The following ZNF503 variants were observed in gnomAD, a reference collection of about 807,000 sequenced individuals.
The protein encoded by ZNF503 is zinc finger protein 503, also known as NocA-like zinc finger 2.
ZNF503 carries 15 observed loss-of-function variants against 34.4 expected under a neutral mutation model. The ratio of observed to expected loss-of-function variants is 0.44; its 90% confidence interval spans 0.29 to 0.67. The LOEUF is 0.67. Ranked by LOEUF, ZNF503 falls within the 30% of genes least tolerant of loss-of-function variation. ZNF503 has a pLI of 0.13. For synonymous variants in ZNF503, 580 were observed against 456.8 expected (o/e 1.27, Z -3.44); for missense variants, 1,007 against 926.8 (o/e 1.09, Z -1.12).
At chr10:75,316,399 C>G in the ZNF503 span, among the ~76,000 whole-genome samples, 1 of 151,768 alleles carries the variant, frequency 6.6e-6, no homozygotes, top group African/African-American at 2.4e-5. Context: ...CTCTGTCACC[C>G]AGGCTGGAGT....
the ZNF503 span, among the ~76,000 whole-genome samples, chr10:75,326,857 A>AT: frequency 6.6e-6 from 1 of 151,406 alleles, no homozygotes; most frequent in Non-Finnish European, 1.5e-5. Flanking sequence ...ATTTATTTTT[A>AT]TTTTTTTAGT....
the ZNF503 span, among the ~76,000 whole-genome samples, chr10:75,307,189 C>T: frequency 2.6e-5 from 4 of 152,148 alleles, no homozygotes; most frequent in African/African-American, 4.8e-5. Context: ...TAGTTAGCCA[C>T]GCTGTAAATA....
At chr10:75,389,458 AG>A in the ZNF503 span, among the ~76,000 whole-genome samples, 1 of 152,172 alleles carries the variant, frequency 6.6e-6, no homozygotes. Context: ...GGCCAGGCGC[AG>A]TGGCTCATGT....
At chr10:75,389,880 G>A in the ZNF503 span, among the ~76,000 whole-genome samples, 2 of 152,166 alleles carry the variant, frequency 1.3e-5, no homozygotes, top group African/African-American at 4.8e-5. Flanking sequence ...TTGGGTTGGA[G>A]GCTGTATTCA....
the ZNF503 span, chr10:75,358,301 C>T: frequency 6.6e-6 from 1 of 152,262 alleles, no homozygotes; most frequent in East Asian, 1.9e-4. Flanking sequence ...CCGGCCTCCT[C>T]CTCACTCACC....
chr10:75,313,093 A>T, the ZNF503 span, among the ~76,000 whole-genome samples: 1 of 152,150 alleles, frequency 6.6e-6, no homozygotes, highest in Non-Finnish European at 1.5e-5. Context: ...TCTTTCCTTT[A>T]TAAATTACCC....
At chr10:75,397,818 AAAGAT>A (rs1843719464), downstream of ZNF503, 1 of 152,702 alleles carries the variant, frequency 6.5e-6, no homozygotes, top group South Asian at 2.1e-4. Context: ...CCAAAATAAA[AAAGAT>A]AAGAAGAAGA....
the ZNF503 span, among the ~76,000 whole-genome samples, chr10:75,376,794 A>G: frequency 2.6e-5 from 4 of 152,134 alleles, no homozygotes; most frequent in Admixed American, 2.6e-4. Flanking sequence ...AGAAGAGAGA[A>G]TGCATGCCTT....
At chr10:75,333,493 TG>T in the ZNF503 span, among the ~76,000 whole-genome samples, 2 of 52,644 alleles carry the variant, frequency 3.8e-5, no homozygotes, top group Non-Finnish European at 3.7e-5. Context: ...ACGGGGTGGC[TG>T]GCCGGGCTGA....
At chr10:75,328,013 T>A in the ZNF503 span, among the ~76,000 whole-genome samples, 2 of 152,322 alleles carry the variant, frequency 1.3e-5, no homozygotes, top group South Asian at 2.1e-4. Flanking sequence ...TCTTGTCAGA[T>A]AATAGTTTGA....
chr10:75,332,720 A>G, the ZNF503 span, among the ~76,000 whole-genome samples: 15 of 148,496 alleles, frequency 1.0e-4, no homozygotes, highest in Admixed American at 4.7e-4. Flanking sequence ...AATAAAGCAC[A>G]TCTTGCACCG....
At chr10:75,282,157 A>G in the ZNF503 span, among the ~76,000 whole-genome samples, 1 of 152,332 alleles carries the variant, frequency 6.6e-6, no homozygotes, top group Middle Eastern at 3.4e-3. Flanking sequence ...CAGGAGGTGA[A>G]TCATGATTGG....
chr10:75,341,813 G>C, the ZNF503 span, among the ~76,000 whole-genome samples: 1 of 152,138 alleles, frequency 6.6e-6, no homozygotes, highest in Non-Finnish European at 1.5e-5. Flanking sequence ...TACTAAGTTT[G>C]TGCAAGCCTA....
At chr10:75,381,805 CTTTTTTT>C in the ZNF503 span, among the ~76,000 whole-genome samples, 377 of 38,580 alleles carry the variant, frequency 9.8e-3, 1 homozygote, top group Admixed American at 0.013. Context: ...GAACCTAATT[CTTTTTTT>C]TTTTTTTTTT....
chr10:75,350,308 T>C, the ZNF503 span: 1 of 152,218 alleles, frequency 6.6e-6, no homozygotes, highest in Non-Finnish European at 1.5e-5. Context: ...AATTTATCAC[T>C]GAAACTGAAC....
the ZNF503 span, among the ~76,000 whole-genome samples, chr10:75,329,800 T>C: frequency 6.6e-6 from 1 of 152,166 alleles, no homozygotes; most frequent in African/African-American, 2.4e-5. Flanking sequence ...TGTAAGATCA[T>C]ATCTGCAAAC....
At chr10:75,290,447 C>G in the ZNF503 span, among the ~76,000 whole-genome samples, 2 of 152,124 alleles carry the variant, frequency 1.3e-5, no homozygotes, top group African/African-American at 4.8e-5. Flanking sequence ...ATTCTAGGAA[C>G]CAGCATTGCT....
chr10:75,308,182 G>A, the ZNF503 span, among the ~76,000 whole-genome samples: 24 of 143,168 alleles, frequency 1.7e-4, no homozygotes, highest in African/African-American at 5.5e-4. Context: ...ACAAATCCTG[G>A]GTGACAATAC....
At chr10:75,321,774 T>C in the ZNF503 span, among the ~76,000 whole-genome samples, 1 of 152,176 alleles carries the variant, frequency 6.6e-6, no homozygotes, top group African/African-American at 2.4e-5. Flanking sequence ...TAAGCTCATA[T>C]GCATGAGCAA....
Sources: allele counts gnomAD v4.1 joint callset (sites outside exome capture counted in the v4.1 genomes callset), GRCh38; gene constraint gnomAD v4.1.1; transcripts MANE v1.5; gene names NCBI Gene and HGNC (gene_info 2026-07-23, HGNC 2026-07-21).